The following KCNC1 variants were observed in gnomAD, a reference collection of about 807,000 sequenced individuals.
The protein encoded by KCNC1 is potassium voltage-gated channel subfamily C member 1, also known as voltage-gated potassium channel KCNC1.
Under a neutral mutation model 43.4 loss-of-function variants are expected in KCNC1, and 8 were observed. The ratio of observed to expected loss-of-function variants is 0.18; its 90% CI spans 0.11 to 0.33. The LOEUF is 0.33. Among genes scored for constraint, KCNC1 ranks in the 10% least tolerant of loss-of-function variants. KCNC1 has a pLI of 1.00. For missense variants in KCNC1, 420 were observed against 836.0 expected, an observed-to-expected ratio of 0.50 and a Z score of 6.14; for synonymous variants, 361 against 360.5, an observed-to-expected ratio of 1.00 and a Z score of -0.01.
chr11:17,745,923 T>C (rs994464532), intron 1 of KCNC1, among the ~76,000 whole-genome samples: 8 of 152,206 alleles, frequency 5.3e-5, no homozygotes, highest in Non-Finnish European at 1.0e-4. Flanking sequence ...TTGTTTGCCT[T>C]GTTTATTGTC....
At position 17,777,517 on chromosome 11, in the gene KCNC1, G is replaced by A; in HGVS notation, c.1505-1939G>A. 2.0e-6 allele frequency: 2 copies of A among 985,992 alleles called. No homozygotes were observed. Among genetic ancestry groups the A allele is most frequent in the Non-Finnish European group, 2.4e-6 (2 of 830,036 alleles). The allele number at this position is 985,992 out of a possible 1,614,324, so 61.1% of individuals were successfully genotyped here. ...TCCCTCAGCCCGGAGACCCTTGGAT[G>A]GAAGACTGGGCCAGCCAGAGTGGGA... On this transcript the variant is annotated intron_variant, in intron 2 of 3. Transcript: ENST00000265969. This position sits in a 1 kb window ranked among gnomAD's most constrained non-coding sequence, Gnocchi z 4.3.
At chr11:17,769,460 A>T (rs1411992233) in intron 1 of KCNC1, among the ~76,000 whole-genome samples, 1 of 151,950 alleles carries the variant, frequency 6.6e-6, no homozygotes, top group Non-Finnish European at 1.5e-5. Flanking sequence ...GAGTGGATGG[A>T]TGGGTGTATG....
chr11:17,775,070 G>A, intron 2 of KCNC1: 1 of 985,526 alleles, frequency 1.0e-6, no homozygotes, highest in Non-Finnish European at 1.2e-6. Flanking sequence ...GGGTGAGTTT[G>A]TGGGAGAGTG....
In KCNC1 at chr11:17,756,386, A is replaced by T. The variant is rs184225489; in HGVS notation, c.571-15279A>T. On this transcript the variant is annotated intron_variant, in intron 1 of 3. Coordinates refer to ENST00000265969, the MANE Select transcript of KCNC1 (RefSeq NM_001112741.2). ...AGCTGTGGCTGTTTTTGCTCACCCT[A>T]TACCCAGTACCCTGTATAGGCCTGG... Among the ~76,000 whole-genome samples the T allele has an allele frequency of 7.2e-5, 11 of 152,038 alleles. No homozygotes were observed. The East Asian group carries it at 1.9e-3, about 27-fold the overall frequency.
intron 1 of KCNC1, among the ~76,000 whole-genome samples, chr11:17,754,894 T>C (rs889957222): frequency 6.6e-6 from 1 of 152,238 alleles, no homozygotes; most frequent in African/African-American, 2.4e-5. Flanking sequence ...TTCTCGCACA[T>C]CTTAACCACT....
At chr11:17,745,125 G>A (rs1279369554) in intron 1 of KCNC1, among the ~76,000 whole-genome samples, 1 of 152,176 alleles carries the variant, frequency 6.6e-6, no homozygotes, top group Non-Finnish European at 1.5e-5. Context: ...CATGCACGGT[G>A]GAGTCTGAGA....
chr11:17,757,623 G>A (rs1327853723), intron 1 of KCNC1, among the ~76,000 whole-genome samples: 1 of 152,128 alleles, frequency 6.6e-6, no homozygotes, highest in African/African-American at 2.4e-5. Context: ...GGCATACCTC[G>A]GTGATATTGT....
At chr11:17,770,275 T>G (rs7946133) in intron 1 of KCNC1, among the ~76,000 whole-genome samples, 16,611 of 152,310 alleles carry the variant, frequency 0.11, 983 homozygotes, top group African/African-American at 0.12. Flanking sequence ...GTGTCACGCC[T>G]TGCAGACTGT....
chr11:17,741,365 C>T (rs774834203), intron 1 of KCNC1, among the ~76,000 whole-genome samples: 21 of 152,186 alleles, frequency 1.4e-4, no homozygotes, highest in Non-Finnish European at 2.4e-4. Context: ...TGGACAGCCC[C>T]GAACCACAGG....
At chr11:17,754,498 G>T (rs1308249677) in intron 1 of KCNC1, among the ~76,000 whole-genome samples, 1 of 152,202 alleles carries the variant, frequency 6.6e-6, no homozygotes, top group Non-Finnish European at 1.5e-5. Context: ...CAGCCGCCGG[G>T]GGCTCACTTC....
intron 1 of KCNC1, among the ~76,000 whole-genome samples, chr11:17,754,188 A>T (rs1274129912): frequency 6.7e-6 from 1 of 149,158 alleles, no homozygotes; most frequent in African/African-American, 2.5e-5. Context: ...CAGTGTAGAT[A>T]CGGCTCTGCT....
rs1055738736 is a variant in KCNC1, at chr11:17,756,557, A to G, written c.571-15108A>G. Among the ~76,000 whole-genome samples the G allele has an allele frequency of 1.4e-5, 2 of 146,752 alleles. 1 individual carries two copies. The highest frequency in any genetic ancestry group is 1.4e-4 in the Admixed American group (2 of 14,760). On this transcript the variant is annotated intron_variant, in intron 1 of 3. Transcript: ENST00000265969. ...CACACACACACACACACACACACACACGCATGTACATTGGGAGTCAGGACC... is the reference window on the plus strand; with the variant it reads ...CACACACACACACACACACACACACGCGCATGTACATTGGGAGTCAGGACC...
In KCNC1 at chr11:17,746,401, C is replaced by A. The variant is rs370745318; in HGVS notation, c.570+9829C>A. ...AGGCCACGAAACTGTTTTCCAAAACCAAGATGCACAAGTTCCTACGTCCCA... is the reference window on the plus strand; with the variant it reads ...AGGCCACGAAACTGTTTTCCAAAACAAAGATGCACAAGTTCCTACGTCCCA... On this transcript the variant is annotated intron_variant, in intron 1 of 3. Transcript: ENST00000265969. Among the ~76,000 whole-genome samples the A allele has an allele frequency of 9.2e-5, 14 of 152,240 alleles. No homozygotes were observed. In the East Asian group the frequency reaches 9.6e-4, roughly 10 times the overall value.
Position 17,777,302 on chromosome 11 carries a change from C to T in KCNC1, c.1505-2154C>T. 1 of 985,884 alleles carries T rather than the reference C, an allele frequency of 1.0e-6. No individual in the cohort carries two copies. Among genetic ancestry groups the T allele is most frequent in the Non-Finnish European group, 1.2e-6 (1 of 829,984 alleles). The allele number at this position is 985,884 out of a possible 1,614,324, so 61.1% of individuals were successfully genotyped here. ...GGCAAGAACTGCAGGCTGTGGACAC[C>T]TCCCCTGGCAGAGGATGGCCAACAG... On this transcript the variant is annotated intron_variant, in intron 2 of 3. Transcript: ENST00000265969. This position sits in a 1 kb window ranked among gnomAD's most constrained non-coding sequence, Gnocchi z 4.3.
At chr11:17,745,101 C>G (rs1219599312) in intron 1 of KCNC1, among the ~76,000 whole-genome samples, 1 of 152,188 alleles carries the variant, frequency 6.6e-6, no homozygotes, top group South Asian at 2.1e-4. Context: ...TGCATTTTCA[C>G]TCCCCAGATG....
chr11:17,774,305 G>T (rs1849262171), intron 2 of KCNC1: 1 of 985,398 alleles, frequency 1.0e-6, no homozygotes, highest in African/African-American at 1.7e-5. Context: ...CAGCTTCCAT[G>T]TGGGCCTGGC....
Position 17,781,945 on chromosome 11 carries a change from A to T in KCNC1, c.*211A>T, listed in dbSNP as rs916365248. On this transcript the variant is annotated 3_prime_UTR_variant, in exon 4 of 4. Transcript: ENST00000265969. This position sits in a 1 kb window ranked among gnomAD's most constrained non-coding sequence, Gnocchi z 5.1. ...TTTCTTTTCCTTCTTTTCATTTTTT[A>T]AAATTTTATTTTATTTGGGGAGGGG... 4.3e-6 allele frequency: 2 copies of T among 463,068 alleles called. No homozygotes were observed. Among genetic ancestry groups the T allele is most frequent in the African/African-American group, 2.0e-5 (1 of 50,168 alleles). The allele number at this position is 463,068 out of a possible 1,614,324, so 28.7% of individuals were successfully genotyped here. A position where few individuals can be genotyped will look rare whatever the true frequency, so the allele number is the denominator to read the frequency against.
rs903078741 is a variant in KCNC1 at position 17,738,011 on chromosome 11, C to T, written c.570+1439C>T. Among the ~76,000 whole-genome samples, 8 of 150,058 alleles carry T rather than the reference C, an allele frequency of 5.3e-5. 1 individual carries two copies. The highest frequency in any genetic ancestry group is 1.2e-4 in the African/African-American group (5 of 40,552). On this transcript the variant is annotated intron_variant, in intron 1 of 3. Transcript: ENST00000265969. ...AAACAGTATGGTATGTCGGGGCGGG[C>T]GGGGGGCAGGTAGCCGGTCAGTCTT...
intron 1 of KCNC1, among the ~76,000 whole-genome samples, chr11:17,768,357 C>A (rs994899976): frequency 6.6e-6 from 1 of 152,188 alleles, no homozygotes; most frequent in African/African-American, 2.4e-5. Flanking sequence ...TGGCAGAGAG[C>A]TGCACATGGC....
Sources: allele counts gnomAD v4.1 joint callset (sites outside exome capture counted in the v4.1 genomes callset), GRCh38; gene constraint gnomAD v4.1.1; non-coding constraint Gnocchi (gnomAD v3.1); transcripts MANE v1.5; gene names NCBI Gene and HGNC (gene_info 2026-07-23, HGNC 2026-07-21).